The following HEY2 variants were observed in gnomAD, a reference collection of about 807,000 sequenced individuals.
HEY2 encodes the protein hes related family bHLH transcription factor with YRPW motif 2.
In HEY2, 10 loss-of-function variants were observed where a neutral mutation model predicts 18.1. The observed-to-expected ratio is 0.55, with a 90% CI of 0.34 to 0.94. HEY2 has a LOEUF of 0.94. Ranked by LOEUF, HEY2 falls within the 40% of genes least tolerant of loss-of-function variation. The pLI is 0.02. For synonymous variants in HEY2, 210 were observed against 182.7 expected, an observed-to-expected ratio of 1.15 and a Z score of -1.21; for missense variants, 455 against 455.9, an observed-to-expected ratio of 1.00 and a Z score of 0.02.
intron 4 of HEY2, 69 bp from the exon 5 acceptor site, chr6:125,759,048 A>C (rs1445660810): frequency 3.4e-6 from 4 of 1,179,214 alleles, no homozygotes; most frequent in African/African-American, 3.1e-5. Flanking sequence ...TGTTGACTAT[A>C]CCATTTTCTC....
At position 125,759,366 on chromosome 6, in the gene HEY2, C is replaced by T. The variant is rs563087465; in HGVS notation, c.578C>T (p.Pro193Leu). 25 of 1,605,896 alleles carry T rather than the reference C, an allele frequency of 1.6e-5. No individual in the cohort carries two copies. The highest frequency in any genetic ancestry group is 2.1e-5 in the Non-Finnish European group (25 of 1,177,236). Reference protein sequence around the residue: ...HHWAAAFHHLPAALLQPNGLH... With the variant: ...HHWAAAFHHLLAALLQPNGLH... ...TGGGCCGCCGCCTTCCACCACCTGC[C>T]CGCAGCCCTGCTCCAGCCCAACGGC... The change falls in exon 5 of 5, where the codon CCC becomes CTC. Residue 193 changes from proline (P) to leucine (L), a missense_variant. Coordinates refer to ENST00000368364, the MANE Select transcript of HEY2 (RefSeq NM_012259.3).
intron 3 of HEY2, among the ~76,000 whole-genome samples, chr6:125,752,725 A>G (rs1773578975): frequency 1.3e-5 from 2 of 152,242 alleles, no homozygotes; most frequent in South Asian, 4.1e-4. Flanking sequence ...GATTTTGCAC[A>G]CTTAGAAAAG....
Position 125,759,900 on chromosome 6 carries a change from A to G in HEY2, c.*98A>G. On this transcript the variant is annotated 3_prime_UTR_variant, in exon 5 of 5. Transcript: ENST00000368364. ...TGAAGGTAGCCATACAGATGCCGAC[A>G]GATCCACAAAGGAACAATAAAGCTA... is the stretch of plus-strand genomic sequence containing the variant. The G allele has an allele frequency of 1.1e-6, 1 of 895,196 alleles. No homozygotes were observed. The allele number at this position is 895,196 out of a possible 1,614,324, so 55.5% of individuals were successfully genotyped here.
chr6:125,749,642 C>A lies in HEY2; in HGVS notation c.-135C>A, dbSNP rs1286350394. ...AGAGTTGCGGCGTGGGAAAGAGCCG[C>A]TAGGAGCAGACCGCGCCGCCGCCGG... On this transcript the variant is annotated 5_prime_UTR_variant, in exon 1 of 5. Transcript: ENST00000368364. 2 of 508,176 alleles carry A rather than the reference C, an allele frequency of 3.9e-6. No individual in the cohort carries two copies. The highest frequency in any genetic ancestry group is 4.1e-5 in the African/African-American group (2 of 48,976). 31.5% of individuals were successfully genotyped at this position (508,176 alleles called of 1,614,324 possible). A position where few individuals can be genotyped will look rare whatever the true frequency, so the allele number is the denominator to read the frequency against.
At position 125,759,374 on chromosome 6, in the gene HEY2, C is replaced by A; in HGVS notation, c.586C>A (p.Leu196Met). Reference protein sequence around the residue: ...AAAFHHLPAALLQPNGLHASE... With the variant: ...AAAFHHLPAAMLQPNGLHASE... ...CGCCTTCCACCACCTGCCCGCAGCC[C>A]TGCTCCAGCCCAACGGCCTCCATGC... The change falls in exon 5 of 5, where the codon CTG (leucine) becomes ATG (methionine). Residue 196 changes from leucine to methionine, a missense_variant. By Grantham distance (15) the Leu-to-Met change is conservative (BLOSUM62 2). Transcript: ENST00000368364. 1 of 1,607,460 alleles carries A rather than the reference C, an allele frequency of 6.2e-7. No homozygotes were observed. Among genetic ancestry groups the A allele is most frequent in the Non-Finnish European group, 8.5e-7 (1 of 1,177,768 alleles).
Position 125,761,038 on chromosome 6 carries a change from C to T in HEY2, c.*1236C>T, listed in dbSNP as rs745982551. ...TCTCTTAATATGCTGAAATCAAGCACGTGAGAGTTTTTGTTTAAAAGATAA... is the reference window on the plus strand; with the variant it reads ...TCTCTTAATATGCTGAAATCAAGCATGTGAGAGTTTTTGTTTAAAAGATAA... On this transcript the variant is annotated 3_prime_UTR_variant, in exon 5 of 5. Coordinates refer to ENST00000368364, the MANE Select transcript of HEY2 (RefSeq NM_012259.3). 1 of 152,502 alleles carries T rather than the reference C, an allele frequency of 6.6e-6. No homozygotes were observed. The highest frequency in any genetic ancestry group is 1.5e-5 in the Non-Finnish European group (1 of 68,016). 9.4% of individuals were successfully genotyped at this position (152,502 alleles called of 1,614,324 possible).
chr6:125,752,209 A>G lies in HEY2; in HGVS notation c.246+119A>G, dbSNP rs970639929. 44 of 653,302 alleles carry G rather than the reference A, an allele frequency of 6.7e-5. 1 individual carries two copies. The East Asian group carries it at 1.2e-3, about 18-fold the overall frequency. 40.5% of individuals were successfully genotyped at this position (653,302 alleles called of 1,614,324 possible). A position where few individuals can be genotyped will look rare whatever the true frequency, so the allele number is the denominator to read the frequency against. On this transcript the variant is annotated intron_variant, in intron 3 of 4. Transcript: ENST00000368364. ...GGTTCTTGTTAAAGCTCATTAAAAT[A>G]ATAGTGTATGTGCCCTGATCTGGCA...
At chr6:125,750,201 G>C (rs1773514673) in intron 1 of HEY2, 1 of 969,020 alleles carries the variant, frequency 1.0e-6, no homozygotes, top group Non-Finnish European at 1.2e-6. Flanking sequence ...AACCGTATTT[G>C]GGGGCACTTT....
In HEY2 at chr6:125,749,768, T is replaced by C; in HGVS notation, c.-9T>C. On this transcript the variant is annotated 5_prime_UTR_variant, in exon 1 of 5. Coordinates refer to ENST00000368364, the MANE Select transcript of HEY2 (RefSeq NM_012259.3). ...CGGCCGGGCTGTGCCCCGCGCGGTC[T>C]TCGCCGGGATGAAGCGCCCCTGCGA... 6.4e-7 allele frequency: 1 copy of C among 1,564,368 alleles called. No individual in the cohort carries two copies. Among genetic ancestry groups the C allele is most frequent in the Non-Finnish European group, 8.7e-7 (1 of 1,155,498 alleles).
intron 4 of HEY2, among the ~76,000 whole-genome samples, chr6:125,758,092 T>C (rs1773700498): frequency 6.6e-6 from 1 of 152,256 alleles, no homozygotes; most frequent in South Asian, 2.1e-4. Flanking sequence ...AATCTGTTTT[T>C]ATATACCAGA....
rs1261769894 is a variant in HEY2 at position 125,752,099 on chromosome 6, TC to T, written c.246+13del. 1.3e-6 allele frequency: 2 copies of T among 1,587,722 alleles called. No individual in the cohort carries two copies. Among genetic ancestry groups the T allele is most frequent in the Admixed American group, 3.4e-5 (2 of 58,946 alleles). On this transcript the variant is annotated intron_variant, in intron 3 of 4. Coordinates refer to ENST00000368364, the MANE Select transcript of HEY2 (RefSeq NM_012259.3). ...CTGCTTTTGAAAAACAAGTAAGCTA[TC>T]CCCTCCCCAGAATCCCCCCACCCAC...
chr6:125,758,737 A>G (rs1773717755), intron 4 of HEY2, among the ~76,000 whole-genome samples: 1 of 152,228 alleles, frequency 6.6e-6, no homozygotes, highest in South Asian at 2.1e-4. Context: ...CTGTATTTCC[A>G]TGAAAAAGTT....
intron 4 of HEY2, among the ~76,000 whole-genome samples, chr6:125,755,589 T>C (rs1773639380): frequency 6.6e-6 from 1 of 152,146 alleles, no homozygotes; most frequent in Non-Finnish European, 1.5e-5. Context: ...TTAACTCCTG[T>C]ATGGCCATAC....
chr6:125,759,205 C>G lies in HEY2; in HGVS notation c.417C>G (p.Ser139=), dbSNP rs374723563. The G allele has an allele frequency of 3.7e-6, 6 of 1,613,320 alleles. No homozygotes were observed. The highest frequency in any genetic ancestry group is 5.1e-6 in the Non-Finnish European group (6 of 1,180,030). Residue 139 remains serine, a synonymous_variant, in exon 5 of 5, where the codon TCC becomes TCG. Coordinates refer to ENST00000368364, the MANE Select transcript of HEY2 (RefSeq NM_012259.3). ...CLTEVARYLS[S]VEGLDSSDPL... ...CAGAAGTTGCGCGGTACCTGAGCTC[C>G]GTGGAAGGCCTGGACTCCTCGGATC...
At position 125,753,920 on chromosome 6, in the gene HEY2, A is replaced by G. The variant is rs568146342; in HGVS notation, c.247-545A>G. On this transcript the variant is annotated intron_variant, in intron 3 of 4. Transcript: ENST00000368364. ...ATTTTTGGATCTGCTTGAAATGCAG[A>G]TCCAATTATATGGTTCTAGTGTGAA... Among the ~76,000 whole-genome samples the G allele has an allele frequency of 2.0e-5, 3 of 152,274 alleles. No individual in the cohort carries two copies. In the East Asian group the frequency reaches 5.8e-4, roughly 29 times the overall value.
intron 4 of HEY2, among the ~76,000 whole-genome samples, chr6:125,756,872 G>C (rs1773671943): frequency 6.6e-6 from 1 of 152,152 alleles, no homozygotes; most frequent in South Asian, 2.1e-4. Flanking sequence ...AGAGGGAGTG[G>C]TATGGACATG....
Position 125,749,739 on chromosome 6 carries a change from C to T in HEY2, c.-38C>T. ...TGCTGCGCCCCGCTCGGCGTCCGAG[C>T]TTCCGGCCGGGCTGTGCCCCGCGCG... On this transcript the variant is annotated 5_prime_UTR_variant, in exon 1 of 5. Transcript: ENST00000368364. 2 of 1,521,194 alleles carry T rather than the reference C, an allele frequency of 1.3e-6. No individual in the cohort carries two copies. Among genetic ancestry groups the T allele is most frequent in the Non-Finnish European group, 1.8e-6 (2 of 1,125,160 alleles). The allele number at this position is 1,521,194 out of a possible 1,614,324, so 94.2% of individuals were successfully genotyped here. A position where few individuals can be genotyped will look rare whatever the true frequency, so the allele number is the denominator to read the frequency against.
chr6:125,749,954 G>C, intron 1 of HEY2, 95 bp downstream of exon 1: 1 of 1,047,840 alleles, frequency 9.5e-7, no homozygotes, highest in Non-Finnish European at 1.4e-6. Flanking sequence ...GCTGGTCTCC[G>C]CAGCATCTAG....
Position 125,749,871 on chromosome 6 carries a change from C to T in HEY2, c.83+12C>T. On this transcript the variant is annotated intron_variant, in intron 1 of 4. Coordinates refer to ENST00000368364, the MANE Select transcript of HEY2 (RefSeq NM_012259.3). Reference sequence around the variant, plus strand: ...AACAATTACTCGGGGTGAGCGCGGGCTCCGCGGGAGCGGCCCGCAGCTCGG... The same window carrying T: ...AACAATTACTCGGGGTGAGCGCGGGTTCCGCGGGAGCGGCCCGCAGCTCGG... 1 of 1,559,024 alleles carries T rather than the reference C, an allele frequency of 6.4e-7. No homozygotes were observed. The highest frequency in any genetic ancestry group is 8.7e-7 in the Non-Finnish European group (1 of 1,151,454).
Sources: allele counts gnomAD v4.1 joint callset (sites outside exome capture counted in the v4.1 genomes callset), GRCh38; gene constraint gnomAD v4.1.1; transcripts MANE v1.5; gene names NCBI Gene and HGNC (gene_info 2026-07-23, HGNC 2026-07-21).